PTER: variants seen among roughly 807,000 people sequenced by gnomAD.
The protein encoded by PTER is N-acetyltaurine hydrolase.
PTER carries 38 observed loss-of-function variants against 29.6 expected under a neutral mutation model. That is an observed-to-expected ratio of 1.28 (90% CI 0.99 to 1.68). PTER has a LOEUF of 1.68. Among genes scored for constraint, PTER ranks in the 40% most tolerant of loss-of-function variants. The pLI, the probability that PTER is intolerant of heterozygous loss-of-function variation, is 0.00. For missense variants in PTER, 482 were observed against 427.8 expected (o/e 1.13, Z -1.12); for synonymous variants, 172 against 154.5 (o/e 1.11, Z -0.84).
chr10:16,447,026 C>A (rs1025315350), intron 1 of PTER, among the ~76,000 whole-genome samples: 4 of 151,704 alleles, frequency 2.6e-5, no homozygotes, highest in Admixed American at 6.6e-5. Flanking sequence ...TGACTTCAGG[C>A]GATCTGCCTC....
At chr10:16,470,236 A>G (rs1834996091) in intron 1 of PTER, among the ~76,000 whole-genome samples, 1 of 152,170 alleles carries the variant, frequency 6.6e-6, no homozygotes, top group Non-Finnish European at 1.5e-5. Context: ...AAAATTTGAG[A>G]TAAGAGATGT....
rs1033070653 is a variant in PTER, at chr10:16,448,364, G to A, written c.-49+11317G>A. On this transcript the variant is annotated intron_variant, in intron 1 of 4. Transcript: ENST00000535784. ...CTGTTCTGGACCCCACTCAAAACTG[G>A]CAGCCTTTCAGGTCACTTGATAAAT... Among the ~76,000 whole-genome samples the A allele has an allele frequency of 3.3e-5, 5 of 152,286 alleles. 1 individual carries two copies. Among genetic ancestry groups the A allele is most frequent in the African/African-American group, 1.2e-4 (5 of 41,556 alleles).
chr10:16,462,653 C>T (rs111914192), intron 1 of PTER, among the ~76,000 whole-genome samples: 2,542 of 150,038 alleles, frequency 0.017, 57 homozygotes, highest in African/African-American at 0.048. Flanking sequence ...GCTCTGTAGA[C>T]TCCGGCTCCC....
intron 4 of PTER, among the ~76,000 whole-genome samples, chr10:16,508,825 C>T (rs996244392): frequency 7.2e-5 from 11 of 152,118 alleles, no homozygotes; most frequent in South Asian, 4.1e-4. Flanking sequence ...TTTTGGGTTG[C>T]GTGTGCTCCA....
chr10:16,444,584 G>T (rs1359948577), intron 1 of PTER, among the ~76,000 whole-genome samples: 1 of 151,230 alleles, frequency 6.6e-6, no homozygotes, highest in Non-Finnish European at 1.5e-5. Flanking sequence ...TTAGAGATGG[G>T]GTCTCACTCT....
chr10:16,457,512 C>G (rs967334683), intron 1 of PTER, among the ~76,000 whole-genome samples: 2 of 151,972 alleles, frequency 1.3e-5, no homozygotes, highest in Non-Finnish European at 2.9e-5. Flanking sequence ...TGTGCCCGGC[C>G]CCTTTAGTTG....
intron 3 of PTER, among the ~76,000 whole-genome samples, chr10:16,489,889 C>G (rs1355939701): frequency 2.0e-5 from 3 of 152,168 alleles, no homozygotes; most frequent in Non-Finnish European, 4.4e-5. Context: ...GACCCCTCAG[C>G]TTAGCAAGTG....
chr10:16,493,300 A>G (rs895009205), intron 3 of PTER, among the ~76,000 whole-genome samples: 3 of 152,226 alleles, frequency 2.0e-5, no homozygotes, highest in Admixed American at 6.5e-5. Context: ...ACTGAGCAAA[A>G]CATCGTGATA....
intron 1 of PTER, among the ~76,000 whole-genome samples, chr10:16,439,066 C>T (rs112933258): frequency 2.0e-5 from 3 of 152,098 alleles, no homozygotes; most frequent in Admixed American, 6.5e-5. Flanking sequence ...GCCCTCAAAC[C>T]AGAATAGATT....
chr10:16,446,480 T>G (rs2133364794), intron 1 of PTER, among the ~76,000 whole-genome samples: 1 of 152,262 alleles, frequency 6.6e-6, no homozygotes, highest in South Asian at 2.1e-4. Flanking sequence ...GTGTTATCTT[T>G]TCACTCTTTG....
chr10:16,471,253 G>C (rs1176065232), intron 1 of PTER, among the ~76,000 whole-genome samples: 1 of 152,200 alleles, frequency 6.6e-6, no homozygotes, highest in African/African-American at 2.4e-5. Context: ...TAAAGAATTT[G>C]AAATAGCTCT....
rs1358103148 is a variant in PTER at position 16,511,228 on chromosome 10, A to G, written c.1022A>G (p.Asn341Ser). The stretch of plus-strand genomic sequence containing the variant: ...GTGCTTGATAAGATTCTAATAGAGA[A>G]CCCTAAGCAATGGCTAACTTTCAAA... ...ENVLDKILIE[N>S]PKQWLTFK The change falls in exon 5 of 5, where the codon AAC (asparagine) becomes AGC (serine). Residue 341 changes from asparagine to serine, a missense_variant. Asn to Ser is a conservative substitution (Grantham distance 46). Coordinates refer to ENST00000535784, the MANE Select transcript of PTER (RefSeq NM_001261836.2). The G allele has an allele frequency of 6.2e-7, 1 of 1,614,002 alleles. No individual in the cohort carries two copies. Among genetic ancestry groups the G allele is most frequent in the Admixed American group, 1.7e-5 (1 of 60,008 alleles).
chr10:16,470,464 C>T (rs79590627), intron 1 of PTER, among the ~76,000 whole-genome samples: 3,663 of 152,286 alleles, frequency 0.024, 148 homozygotes, highest in African/African-American at 0.083. Flanking sequence ...AGGCTTTTCG[C>T]CCTCCATTAA....
intron 1 of PTER, among the ~76,000 whole-genome samples, chr10:16,459,723 G>GTTAT (rs749526667): frequency 0.087 from 13,065 of 150,876 alleles, 605 homozygotes; most frequent in South Asian, 0.17. Context: ...ATATTTCAGA[G>GTTAT]TTATTTATTT....
In PTER at chr10:16,486,719, G is replaced by A. The variant is rs1051284973; in HGVS notation, c.698+102G>A. Reference sequence around the variant, plus strand: ...CAGTCAATGCAATACTAATCACGCAGAGAAAACCACTAACTATATGGAAGG... The same window carrying A: ...CAGTCAATGCAATACTAATCACGCAAAGAAAACCACTAACTATATGGAAGG... On this transcript the variant is annotated intron_variant, in intron 3 of 4. Transcript: ENST00000535784. The A allele has an allele frequency of 8.5e-6, 11 of 1,292,952 alleles. No individual in the cohort carries two copies. The African/African-American group carries it at 1.6e-4, about 19-fold the overall frequency. The allele number at this position is 1,292,952 out of a possible 1,614,324, so 80.1% of individuals were successfully genotyped here.
At chr10:16,504,262 G>A (rs957501837) in intron 3 of PTER, among the ~76,000 whole-genome samples, 1 of 151,884 alleles carries the variant, frequency 6.6e-6, no homozygotes, top group African/African-American at 2.4e-5. Context: ...TGTACTCTAC[G>A]CTTGTCTGTA....
At chr10:16,490,248 T>C (rs1835849294) in intron 3 of PTER, among the ~76,000 whole-genome samples, 1 of 152,184 alleles carries the variant, frequency 6.6e-6, no homozygotes, top group African/African-American at 2.4e-5. Context: ...GGAATGTTTC[T>C]CTTGGTACTT....
chr10:16,483,060 G>A (rs1438088605), intron 1 of PTER, among the ~76,000 whole-genome samples: 2 of 152,138 alleles, frequency 1.3e-5, no homozygotes, highest in African/African-American at 4.8e-5. Flanking sequence ...TGGGATTATA[G>A]GCATGAGCCA....
Position 16,486,334 on chromosome 10 carries a change from C to G in PTER, c.433-18C>G, listed in dbSNP as rs775084110. On this transcript the variant is annotated intron_variant, in intron 2 of 4. Coordinates refer to ENST00000535784, the MANE Select transcript of PTER (RefSeq NM_001261836.2). The stretch of plus-strand genomic sequence containing the variant: ...ATTTCACAACCTATAAAATATATTC[C>G]TTCTCACTCTTCCTTAGCTTACCGA... 1 of 1,597,226 alleles carries G rather than the reference C, an allele frequency of 6.3e-7. No homozygotes were observed. Among genetic ancestry groups the G allele is most frequent in the African/African-American group, 1.3e-5 (1 of 74,324 alleles).
Sources: gnomAD v4.1 joint callset for allele counts (sites outside exome capture counted in the v4.1 genomes callset) on GRCh38, gnomAD v4.1.1 for gene constraint, MANE v1.5 for transcripts, NCBI Gene and HGNC (gene_info 2026-07-23, HGNC 2026-07-21) for gene names.